Variants in DCAF10 observed in about 807,000 individuals in gnomAD.
DCAF10 encodes DDB1 and CUL4 associated factor 10.
In DCAF10, 19 loss-of-function variants were observed where a neutral mutation model predicts 51.9. That is an observed-to-expected ratio of 0.37 (90% CI 0.26 to 0.54). The LOEUF is 0.54. Ranked by LOEUF, DCAF10 falls within the 20% of genes least tolerant of loss-of-function variation. The pLI is 0.87. For synonymous variants in DCAF10, 291 were observed against 297.1 expected (o/e 0.98, Z 0.21); for missense variants, 510 against 730.6 (o/e 0.70, Z 3.48).
At chr9:37,851,766 C>T (rs1304582424) in intron 3 of DCAF10, among the ~76,000 whole-genome samples, 4 of 148,946 alleles carry the variant, frequency 2.7e-5, no homozygotes, top group South Asian at 4.2e-4. Context: ...CTGCATTGGG[C>T]GACAGAGTAA....
intron 3 of DCAF10, among the ~76,000 whole-genome samples, chr9:37,847,253 C>CAAAAAAAAA (rs78089886): frequency 1.5e-4 from 5 of 32,948 alleles, no homozygotes; most frequent in Non-Finnish European, 2.3e-4. Context: ...AACTCCATCT[C>CAAAAAAAAA]AAAAAAAAAA....
rs750833693 is a variant in DCAF10, at chr9:37,860,033, T to C, written c.1166-15T>C. The C allele has an allele frequency of 5.0e-6, 8 of 1,613,416 alleles. No individual in the cohort carries two copies. Among genetic ancestry groups the C allele is most frequent in the Non-Finnish European group, 5.9e-6 (7 of 1,179,762 alleles). ...GATAATACAAATCCCACATCCTCAT[T>C]TTCTTATATCTCAGGAGTTTCACCA... is the stretch of plus-strand genomic sequence containing the variant. On this transcript the variant is annotated splice_polypyrimidine_tract_variant and intron_variant, in intron 5 of 6. Transcript: ENST00000377724.
At chr9:37,833,643 G>C (rs1204637105) in intron 2 of DCAF10, among the ~76,000 whole-genome samples, 3 of 152,150 alleles carry the variant, frequency 2.0e-5, no homozygotes, top group South Asian at 2.1e-4. Flanking sequence ...TTACAGTCAT[G>C]TATGCTGGGG....
chr9:37,856,270 T>C (rs1830845980), intron 4 of DCAF10, among the ~76,000 whole-genome samples: 1 of 152,234 alleles, frequency 6.6e-6, no homozygotes, highest in Admixed American at 6.5e-5. Flanking sequence ...GGCATAACTG[T>C]CAAAAGTAGA....
intron 1 of DCAF10, among the ~76,000 whole-genome samples, chr9:37,808,748 A>AT (rs370785639): frequency 3.3e-5 from 1 of 30,274 alleles, no homozygotes; most frequent in Non-Finnish European, 5.4e-5. Context: ...ATAAAAATAC[A>AT]TACATAAAAT....
At chr9:37,853,152 CA>C (rs557423413) in intron 3 of DCAF10, among the ~76,000 whole-genome samples, 840 of 80,842 alleles carry the variant, frequency 0.01, 4 homozygotes, top group Admixed American at 0.017. Flanking sequence ...AACTCCGTCT[CA>C]AAAAAAAAAA....
chr9:37,824,717 CT>C (rs1352970440), intron 2 of DCAF10, among the ~76,000 whole-genome samples: 1 of 151,776 alleles, frequency 6.6e-6, no homozygotes, highest in East Asian at 1.9e-4. Flanking sequence ...TTATCTGTTG[CT>C]CTATTGATAT....
At chr9:37,838,144 A>G (rs1324156170) in intron 2 of DCAF10, among the ~76,000 whole-genome samples, 2 of 152,252 alleles carry the variant, frequency 1.3e-5, no homozygotes, top group African/African-American at 4.8e-5. Context: ...ATCTTTAAAG[A>G]TTTTTTTTAC....
rs2296207 is a variant in DCAF10, at chr9:37,859,953, G to A, written c.1166-95G>A. On this transcript the variant is annotated intron_variant, in intron 5 of 6. Transcript: ENST00000377724. ...ATAAGGGGCAGACTAAGGAATGACG[G>A]CATGGGAGGTGGCTGCCAGAAATAA... is the stretch of plus-strand genomic sequence containing the variant. 6.3e-4 allele frequency: 903 copies of A among 1,429,262 alleles called. 16 individuals carry two copies. The East Asian group carries it at 0.018, about 28-fold the overall frequency. The allele number at this position is 1,429,262 out of a possible 1,614,324, so 88.5% of individuals were successfully genotyped here. A position where few individuals can be genotyped will look rare whatever the true frequency, so the allele number is the denominator to read the frequency against.
chr9:37,809,707 C>T (rs1829271507), intron 1 of DCAF10, among the ~76,000 whole-genome samples: 1 of 152,008 alleles, frequency 6.6e-6, no homozygotes, highest in South Asian at 2.1e-4. Context: ...GTGGTGGGCG[C>T]CTATAATCCC....
chr9:37,824,771 A>G (rs1412917512), intron 2 of DCAF10, among the ~76,000 whole-genome samples: 1 of 152,146 alleles, frequency 6.6e-6, no homozygotes, highest in East Asian at 1.9e-4. Context: ...GAAATGGGAA[A>G]AGAAAACTGA....
chr9:37,828,603 TTA>T (rs1176206622), intron 2 of DCAF10, among the ~76,000 whole-genome samples: 1 of 152,204 alleles, frequency 6.6e-6, no homozygotes, highest in Non-Finnish European at 1.5e-5. Flanking sequence ...ATTTTAAAAC[TTA>T]TATAGAACAG....
At chr9:37,853,632 A>T (rs1242864807) in intron 3 of DCAF10, among the ~76,000 whole-genome samples, 2 of 151,718 alleles carry the variant, frequency 1.3e-5, no homozygotes, top group African/African-American at 4.9e-5. Flanking sequence ...TCATAGAATT[A>T]TATCCTGTTA....
chr9:37,860,992 T>G, intron 6 of DCAF10, 148 bp from the exon 7 acceptor site: 1 of 1,106,556 alleles, frequency 9.0e-7, no homozygotes, highest in African/African-American at 1.6e-5. Context: ...CAAGTTTTGT[T>G]AGTTGGGAGG....
intron 2 of DCAF10, 51 bp downstream of exon 2, chr9:37,819,452 C>G: frequency 7.2e-7 from 1 of 1,394,554 alleles, no homozygotes; most frequent in South Asian, 1.2e-5. Context: ...CCAAAATGTT[C>G]TGTTTTGGAA....
At chr9:37,808,395 G>A (rs1234963930) in intron 1 of DCAF10, among the ~76,000 whole-genome samples, 1 of 143,524 alleles carries the variant, frequency 7.0e-6, no homozygotes, top group East Asian at 2.0e-4. Flanking sequence ...GCGACAGCCT[G>A]GGCGACAGAA....
intron 1 of DCAF10, among the ~76,000 whole-genome samples, chr9:37,808,755 A>C (rs1275301421): frequency 7.6e-6 from 1 of 131,052 alleles, no homozygotes; most frequent in African/African-American, 2.8e-5. Context: ...TACATACATA[A>C]AATATATATT....
chr9:37,850,076 A>T (rs901038631), intron 3 of DCAF10, among the ~76,000 whole-genome samples: 4 of 152,182 alleles, frequency 2.6e-5, no homozygotes, highest in African/African-American at 9.7e-5. Context: ...TAAAATAGAT[A>T]AAAGTGGGCC....
chr9:37,867,574 G>A lies in DCAF10; in HGVS notation c.*6066G>A, dbSNP rs1224032206. On this transcript the variant is annotated 3_prime_UTR_variant, in exon 7 of 7. Transcript: ENST00000377724. The stretch of plus-strand genomic sequence containing the variant: ...TATGCTAGACTGTAAGCTCCTTGAG[G>A]GCAGAGACTGTTTTATTTATTCTTG... 6.6e-6 allele frequency: 1 copy of A among 151,618 alleles called. No individual in the cohort carries two copies. Among genetic ancestry groups the A allele is most frequent in the African/African-American group, 2.4e-5 (1 of 41,234 alleles). 9.4% of individuals were successfully genotyped at this position (151,618 alleles called of 1,614,324 possible). A position where few individuals can be genotyped will look rare whatever the true frequency, so the allele number is the denominator to read the frequency against.
Sources: gnomAD v4.1 joint callset for allele counts (sites outside exome capture counted in the v4.1 genomes callset) on GRCh38, gnomAD v4.1.1 for gene constraint, MANE v1.5 for transcripts, NCBI Gene and HGNC (gene_info 2026-07-23, HGNC 2026-07-21) for gene names.